The following MAGEL2 variants were observed in gnomAD, a reference collection of about 807,000 sequenced individuals.
MAGEL2 encodes the protein MAGE-like protein 2.
For synonymous variants in MAGEL2, 792 were observed against 721.7 expected (o/e 1.10, Z -1.56); for missense variants, 1,830 against 1,699.2 (o/e 1.08, Z -1.35).
rs2140711896 is a variant in MAGEL2, at chr15:23,644,199, A to T, written c.3544T>A (p.Phe1182Ile). ...IPYTEPAEYE[F>I]LWGPRAFLET... is the part of the protein sequence containing the mutation. ...AGGAATGCTCGAGGGCCCCAGAGGA[A>T]CTCATACTCTGCGGGCTCAGTGTAA... The change falls in exon 1 of 1, where the codon TTC (phenylalanine) becomes ATC (isoleucine). Residue 1182 changes from phenylalanine to isoleucine, a missense_variant. By Grantham distance (21) the Phe-to-Ile change is conservative. Transcript: ENST00000650528. 2.5e-6 allele frequency: 4 copies of T among 1,613,816 alleles called. No individual in the cohort carries two copies. The highest frequency in any genetic ancestry group is 2.5e-6 in the Non-Finnish European group (3 of 1,179,828).
rs773859594 is a variant in MAGEL2, at chr15:23,644,020, G to A, written c.3723C>T (p.Gly1241=). The A allele has an allele frequency of 1.9e-6, 3 of 1,606,764 alleles. No individual in the cohort carries two copies. The highest frequency in any genetic ancestry group is 1.7e-5 in the Admixed American group (1 of 59,544). The change falls in exon 1 of 1, where the codon GGC becomes GGT. Residue 1241 remains glycine, a synonymous_variant. Coordinates refer to ENST00000650528, the MANE Select transcript of MAGEL2 (RefSeq NM_019066.5). ...DEPDTGDSAH[G]PTSRPPPR ...AGCGGGGAGGGGGCCTGCTGGTGGG[G>A]CCGTGGGCACTGTCACCGGTGTCAG...
At position 23,647,399 on chromosome 15, in the gene MAGEL2, G is replaced by A. The variant is rs975596806; in HGVS notation, c.344C>T (p.Pro115Leu). ...PGVLMVHPPP[P>L]GAPMAQPPTP... ...CGGAGGCTGGGCCATCGGGGCTCCC[G>A]GAGGTGGAGGATGCACCATCAGGAC... The change falls in exon 1 of 1, where the codon CCG (proline) becomes CTG (leucine). Residue 115 changes from proline to leucine, a missense_variant. Pro to Leu is a moderately conservative substitution (Grantham distance 98). Coordinates refer to ENST00000650528, the MANE Select transcript of MAGEL2 (RefSeq NM_019066.5). 5 of 1,536,572 alleles carry A rather than the reference G, an allele frequency of 3.3e-6. No homozygotes were observed. In the African/African-American group the frequency reaches 4.1e-5, roughly 13 times the overall value.
In MAGEL2 at chr15:23,645,223, G is replaced by T. The variant is rs769931055; in HGVS notation, c.2520C>A (p.Pro840=). The change falls in exon 1 of 1, where the codon CCC becomes CCA. Residue 840 remains proline (P), a synonymous_variant. Coordinates refer to ENST00000650528, the MANE Select transcript of MAGEL2 (RefSeq NM_019066.5). ...ALPAVPWVPQ[P]NMNASKASQA... is the part of the protein sequence containing the mutation. ...GCGATGCCTTTGAGGCATTCATATT[G>T]GGCTGTGGGACCCATGGAACTGCAG... The T allele has an allele frequency of 6.2e-7, 1 of 1,613,926 alleles. No homozygotes were observed. The highest frequency in any genetic ancestry group is 8.5e-7 in the Non-Finnish European group (1 of 1,179,904).
In MAGEL2 at chr15:23,647,504, G is replaced by A; in HGVS notation, c.239C>T (p.Thr80Ile). The change falls in exon 1 of 1, where the codon ACC becomes ATC. Residue 80 changes from threonine (T) to isoleucine (I), a missense_variant. Physicochemically the swap from Thr to Ile is moderately conservative, Grantham distance 89. Transcript: ENST00000650528. ...GQLPAPVVPM[T>I]QPPALGGPIV... ...CGGGCCCCCTAGGGCAGGAGGCTGGGTCATCGGAACCACCGGGGCGGGCAG... is the reference window on the plus strand; with the variant it reads ...CGGGCCCCCTAGGGCAGGAGGCTGGATCATCGGAACCACCGGGGCGGGCAG... The A allele has an allele frequency of 2.6e-6, 4 of 1,531,142 alleles. No individual in the cohort carries two copies. The highest frequency in any genetic ancestry group is 3.5e-6 in the Non-Finnish European group (4 of 1,144,536). 94.8% of individuals were successfully genotyped at this position (1,531,142 alleles called of 1,614,324 possible).
At position 23,647,262 on chromosome 15, in the gene MAGEL2, G is replaced by C. The variant is rs983084029; in HGVS notation, c.481C>G (p.His161Asp). The change falls in exon 1 of 1, where the codon CAT becomes GAT. Residue 161 changes from histidine (H) to aspartate (D), a missense_variant. Transcript: ENST00000650528. ...HPPPPGTPMAHPPPPGTPMAH... is the reference protein window; with the variant it reads ...HPPPPGTPMADPPPPGTPMAH... ...ATCGGGGTCCCCGGAGGAGGAGGAT[G>C]GGCCATTGGGGTCCCCGGAGGGGGA... is the stretch of plus-strand genomic sequence containing the variant. 6.5e-7 allele frequency: 1 copy of C among 1,530,458 alleles called. No homozygotes were observed. The highest frequency in any genetic ancestry group is 1.4e-5 in the African/African-American group (1 of 72,978). The allele number at this position is 1,530,458 out of a possible 1,614,324, so 94.8% of individuals were successfully genotyped here.
Position 23,647,810 on chromosome 15 carries a change from G to A in MAGEL2, c.-68C>T. 7.1e-7 allele frequency: 1 copy of A among 1,411,574 alleles called. No individual in the cohort carries two copies. The highest frequency in any genetic ancestry group is 9.2e-7 in the Non-Finnish European group (1 of 1,082,246). 87.4% of individuals were successfully genotyped at this position (1,411,574 alleles called of 1,614,324 possible). On this transcript the variant is annotated 5_prime_UTR_variant, in exon 1 of 1. Transcript: ENST00000650528. ...GCTGGGCCTTTTCCTCCAGAGAGAA[G>A]AGAATGCCTACGTGGCTGTTCAGAG...
At position 23,646,567 on chromosome 15, in the gene MAGEL2, C is replaced by T. The variant is rs1890410880; in HGVS notation, c.1176G>A (p.Thr392=). Residue 392 remains threonine (T), a synonymous_variant, in exon 1 of 1, where the codon ACG becomes ACA. Coordinates refer to ENST00000650528, the MANE Select transcript of MAGEL2 (RefSeq NM_019066.5). This position sits in a 1 kb window ranked among gnomAD's most constrained non-coding sequence, Gnocchi z 4.2. Reference sequence around the variant, plus strand: ...CGGCTGGTGCCTGCCAGGTGACCTGCGTGGTCTGCCAAGTCAGGGGAGTGG... The same window carrying T: ...CGGCTGGTGCCTGCCAGGTGACCTGTGTGGTCTGCCAAGTCAGGGGAGTGG... ...WQATPLTWQT[T]QVTWQAPAVT... is the part of the protein sequence containing the mutation. 2.7e-6 allele frequency: 4 copies of T among 1,474,380 alleles called. No individual in the cohort carries two copies. Among genetic ancestry groups the T allele is most frequent in the South Asian group, 2.8e-5 (2 of 72,550 alleles). 91.3% of individuals were successfully genotyped at this position (1,474,380 alleles called of 1,614,324 possible).
chr15:23,646,896 C>A lies in MAGEL2; in HGVS notation c.847G>T (p.Gly283Cys). ...PSGAPMAKPPGPGVLMIHPPG... is the reference protein window; with the variant it reads ...PSGAPMAKPPCPGVLMIHPPG... ...GGATGAATCATCAGGACTCCTGGAC[C>A]TGGAGGCTTGGCCATCGGTGCTCCT... The change falls in exon 1 of 1, where the codon GGT (glycine) becomes TGT (cysteine). Residue 283 changes from glycine to cysteine, a missense_variant. Coordinates refer to ENST00000650528, the MANE Select transcript of MAGEL2 (RefSeq NM_019066.5). This position sits in a 1 kb window ranked among gnomAD's most constrained non-coding sequence, Gnocchi z 4.2. 2 of 1,536,964 alleles carry A rather than the reference C, an allele frequency of 1.3e-6. No individual in the cohort carries two copies. The highest frequency in any genetic ancestry group is 1.7e-6 in the Non-Finnish European group (2 of 1,146,858).
rs1294959008 is a variant in MAGEL2, at chr15:23,647,314, A to G, written c.429T>C (p.Pro143=). 1.3e-6 allele frequency: 2 copies of G among 1,533,384 alleles called. No individual in the cohort carries two copies. Among genetic ancestry groups the G allele is most frequent in the Non-Finnish European group, 1.7e-6 (2 of 1,146,060 alleles). The allele number at this position is 1,533,384 out of a possible 1,614,324, so 95.0% of individuals were successfully genotyped here. Residue 143 remains proline (P), a synonymous_variant, in exon 1 of 1, where the codon CCT becomes CCC. Transcript: ENST00000650528. Reference sequence around the variant, plus strand: ...GGTGGGACATTGGGGTCCCCGGAGGAGGAGGATGGGCCATGGGAGCTCCGG... The same window carrying G: ...GGTGGGACATTGGGGTCCCCGGAGGGGGAGGATGGGCCATGGGAGCTCCGG... The part of the protein sequence containing the change: ...SAPGAPMAHP[P]PPGTPMSHPP...
Position 23,645,267 on chromosome 15 carries a change from C to A in MAGEL2, c.2476G>T (p.Ala826Ser). ...SLPYALQDPF[A>S]CVEALPAVPW... ...ACTGCAGGCAGGGCCTCTACACAGG[C>A]AAAGGGATCCTGCAGAGCATATGGC... The change falls in exon 1 of 1, where the codon GCC (alanine) becomes TCC (serine). Residue 826 changes from alanine (A) to serine (S), a missense_variant. By Grantham distance (99) the Ala-to-Ser change is moderately conservative. Transcript: ENST00000650528. 1.2e-6 allele frequency: 2 copies of A among 1,613,934 alleles called. No individual in the cohort carries two copies. Among genetic ancestry groups the A allele is most frequent in the Non-Finnish European group, 1.7e-6 (2 of 1,179,884 alleles).
rs771576246 is a variant in MAGEL2 at position 23,644,238 on chromosome 15, A to G, written c.3505T>C (p.Tyr1169His). Residue 1169 changes from tyrosine (Y) to histidine (H), a missense_variant, in exon 1 of 1, where the codon TAC becomes CAC. Tyr to His is a moderately conservative substitution (Grantham distance 83). Coordinates refer to ENST00000650528, the MANE Select transcript of MAGEL2 (RefSeq NM_019066.5). ...EVFVRQKYLE[Y>H]RRIPYTEPAE... ...GGCTCAGTGTAAGGGATTCGCCTGT[A>G]CTCTAGGTACTTCTGCCTGACAAAC... 9 of 1,613,604 alleles carry G rather than the reference A, an allele frequency of 5.6e-6. No homozygotes were observed. Among genetic ancestry groups the G allele is most frequent in the Non-Finnish European group, 7.6e-6 (9 of 1,179,872 alleles).
Position 23,644,478 on chromosome 15 carries a change from T to C in MAGEL2, c.3265A>G (p.Ile1089Val). 1 of 1,613,936 alleles carries C rather than the reference T, an allele frequency of 6.2e-7. No individual in the cohort carries two copies. Among genetic ancestry groups the C allele is most frequent in the South Asian group, 1.1e-5 (1 of 91,066 alleles). ...GTATGGTAGCCCAGCTTGTTGATGA[T>C]AATATAGGCGTGGTTTTTGGTATCA... The part of the protein sequence containing the change: ...EIDTKNHAYI[I>V]INKLGYHTGN... Residue 1089 changes from isoleucine to valine, a missense_variant, in exon 1 of 1, where the codon ATC becomes GTC. By Grantham distance (29) the Ile-to-Val change is conservative. Transcript: ENST00000650528.
rs1890398458 is a variant in MAGEL2, at chr15:23,646,198, C to T, written c.1545G>A (p.Gln515=). The T allele has an allele frequency of 4.5e-6, 6 of 1,339,778 alleles. No individual in the cohort carries two copies. The highest frequency in any genetic ancestry group is 1.5e-5 in the African/African-American group (1 of 64,840). 83.0% of individuals were successfully genotyped at this position (1,339,778 alleles called of 1,614,324 possible). A position where few individuals can be genotyped will look rare whatever the true frequency, so the allele number is the denominator to read the frequency against. Residue 515 remains glutamine (Q), a synonymous_variant, in exon 1 of 1, where the codon CAG becomes CAA. Transcript: ENST00000650528. The surrounding 1 kb of genome is among the most constrained non-coding windows in gnomAD (Gnocchi z 4.2). ...GCAGTGGAGGTGGGGGTGGCAGGGCCTGCCAGAGCGGTGGCTGGGTGGCCA... is the reference window on the plus strand; with the variant it reads ...GCAGTGGAGGTGGGGGTGGCAGGGCTTGCCAGAGCGGTGGCTGGGTGGCCA... The part of the protein sequence containing the change: ...QVLATQPPLW[Q]ALPPPPPLRQ...
rs886042708 is a variant in MAGEL2, at chr15:23,647,104, T to G, written c.639A>C (p.Pro213=). Residue 213 remains proline (P), a synonymous_variant, in exon 1 of 1, where the codon CCA becomes CCC. Coordinates refer to ENST00000650528, the MANE Select transcript of MAGEL2 (RefSeq NM_019066.5). ...PPPGTPMAHP[P]PPGTPMAHPP... ...GATGAGCCATCGGTGTCCCCGGAGG[T>G]GGAGGATGAGCCATCGGTGTCCCCG... 791 of 1,480,280 alleles carry G rather than the reference T, an allele frequency of 5.3e-4. 7 individuals carry two copies. In the Middle Eastern group the frequency reaches 5.5e-3, roughly 10 times the overall value. The allele number at this position is 1,480,280 out of a possible 1,614,324, so 91.7% of individuals were successfully genotyped here. A position where few individuals can be genotyped will look rare whatever the true frequency, so the allele number is the denominator to read the frequency against.
rs768654153 is a variant in MAGEL2 at position 23,645,574 on chromosome 15, G to A, written c.2169C>T (p.Ala723=). Residue 723 remains alanine (A), a synonymous_variant, in exon 1 of 1, where the codon GCC becomes GCT. Transcript: ENST00000650528. The part of the protein sequence containing the change: ...SLMTPSGECR[A]SSIDRRGSSK... Reference sequence around the variant, plus strand: ...AGGAGCCCCTGCGGTCTATAGAAGAGGCCCTGCATTCTCCTGATGGAGTCA... The same window carrying A: ...AGGAGCCCCTGCGGTCTATAGAAGAAGCCCTGCATTCTCCTGATGGAGTCA... The A allele has an allele frequency of 3.7e-6, 6 of 1,609,884 alleles. No individual in the cohort carries two copies. In the South Asian group the frequency reaches 6.6e-5, roughly 18 times the overall value.
rs755998685 is a variant in MAGEL2, at chr15:23,645,114, C to G, written c.2629G>C (p.Glu877Gln). 3 of 1,613,758 alleles carry G rather than the reference C, an allele frequency of 1.9e-6. No individual in the cohort carries two copies. The highest frequency in any genetic ancestry group is 4.5e-5 in the East Asian group (2 of 44,866). Reference protein sequence around the residue: ...TTQEASKTSVEPPRRSGKATR... With the variant: ...TTQEASKTSVQPPRRSGKATR... The stretch of plus-strand genomic sequence containing the variant: ...GCCTTGCCGGAGCGGCGTGGCGGCT[C>G]GACGGAGGTCTTGGAGGCCTCTTGA... Residue 877 changes from glutamate (E) to glutamine (Q), a missense_variant, in exon 1 of 1, where the codon GAG becomes CAG. By Grantham distance (29) the Glu-to-Gln change is conservative. Coordinates refer to ENST00000650528, the MANE Select transcript of MAGEL2 (RefSeq NM_019066.5).
chr15:23,646,965 C>A lies in MAGEL2; in HGVS notation c.778G>T (p.Val260Phe). 2.0e-6 allele frequency: 3 copies of A among 1,536,708 alleles called. No homozygotes were observed. The highest frequency in any genetic ancestry group is 2.6e-6 in the Non-Finnish European group (3 of 1,146,830). ...VQPAAPGAPM[V>F]QPPPAAMMTQ... ...ATCATGGCTGCTGGAGGCGGCTGGA[C>A]CATCGGTGCTCCCGGAGCAGCAGGC... Residue 260 changes from valine (V) to phenylalanine (F), a missense_variant, in exon 1 of 1, where the codon GTC (valine) becomes TTC (phenylalanine). Val to Phe is a conservative substitution (Grantham distance 50, BLOSUM62 -1). Transcript: ENST00000650528. The surrounding 1 kb of genome is among the most constrained non-coding windows in gnomAD (Gnocchi z 4.2).
rs545843285 is a variant in MAGEL2, at chr15:23,643,666, A to G, written c.*327T>C. On this transcript the variant is annotated 3_prime_UTR_variant, in exon 1 of 1. Coordinates refer to ENST00000650528, the MANE Select transcript of MAGEL2 (RefSeq NM_019066.5). ...AACCGATTACAATGCTACATGAACTATACCAGAAATGAGATGGATAGCTTC... is the reference window on the plus strand; with the variant it reads ...AACCGATTACAATGCTACATGAACTGTACCAGAAATGAGATGGATAGCTTC... 1 of 250,364 alleles carries G rather than the reference A, an allele frequency of 4.0e-6. No homozygotes were observed. Among genetic ancestry groups the G allele is most frequent in the African/African-American group, 2.2e-5 (1 of 44,912 alleles). 15.5% of individuals were successfully genotyped at this position (250,364 alleles called of 1,614,324 possible).
rs1212615979 is a variant in MAGEL2, at chr15:23,646,036, C to T, written c.1707G>A (p.Pro569=). 2.6e-6 allele frequency: 4 copies of T among 1,539,034 alleles called. No individual in the cohort carries two copies. Among genetic ancestry groups the T allele is most frequent in the Non-Finnish European group, 2.6e-6 (3 of 1,142,922 alleles). ...GCGGGGCAGACAGTGGGGCAGACAG[C>T]GGGGCCGGCAGCACAGGCTGGGGCA... ...PQVPQPVLPA[P]LSAPLSAPQA... Residue 569 remains proline, a synonymous_variant, in exon 1 of 1, where the codon CCG becomes CCA. Coordinates refer to ENST00000650528, the MANE Select transcript of MAGEL2 (RefSeq NM_019066.5). This position sits in a 1 kb window ranked among gnomAD's most constrained non-coding sequence, Gnocchi z 4.2.
Sources: gnomAD v4.1 joint callset for allele counts on GRCh38, gnomAD v4.1.1 for gene constraint, Gnocchi (gnomAD v3.1) non-coding constraint, MANE v1.5 for transcripts, NCBI Gene and HGNC (gene_info 2026-07-23, HGNC 2026-07-21) for gene names.